Variants in RIC1 observed in about 807,000 individuals in gnomAD.
RIC1 encodes the protein RIC1 partner of RAB6A GEF complex.
Under a neutral mutation model 169.0 loss-of-function variants are expected in RIC1, and 88 were observed. The observed-to-expected ratio is 0.52, with a 90% CI of 0.44 to 0.62. The LOEUF is 0.62. Ranked by LOEUF, RIC1 falls within the 20% of genes least tolerant of loss-of-function variation. The pLI, the probability that RIC1 is intolerant of heterozygous loss-of-function variation, is 0.00. For missense variants in RIC1, 1,877 were observed against 1,725.5 expected (o/e 1.09, Z -1.56); for synonymous variants, 790 against 601.5 (o/e 1.31, Z -4.59).
chr9:5,708,873 A>T (rs944625738), intron 3 of RIC1, among the ~76,000 whole-genome samples: 1 of 151,758 alleles, frequency 6.6e-6, no homozygotes, highest in African/African-American at 2.4e-5. Context: ...AGGCGTTGGT[A>T]TTTATGATGT....
chr9:5,647,626 T>A (rs1343445397), intron 1 of RIC1, among the ~76,000 whole-genome samples: 4 of 152,244 alleles, frequency 2.6e-5, no homozygotes, highest in African/African-American at 7.2e-5. Flanking sequence ...ATTCATTCAT[T>A]CTAACAGGTT....
At chr9:5,743,049 T>TC in intron 9 of RIC1, 36 bp downstream of exon 9, 1 of 1,583,188 alleles carries the variant, frequency 6.3e-7, no homozygotes, top group African/African-American at 1.4e-5. Context: ...ATAAAATAAC[T>TC]CCATTATTTC....
chr9:5,666,153 C>G (rs1819743343), intron 2 of RIC1, among the ~76,000 whole-genome samples: 1 of 152,128 alleles, frequency 6.6e-6, no homozygotes, highest in African/African-American at 2.4e-5. Flanking sequence ...ACCCACTACC[C>G]CATGAGGAGG....
chr9:5,708,502 A>G (rs572736091), intron 3 of RIC1, among the ~76,000 whole-genome samples: 1 of 152,148 alleles, frequency 6.6e-6, no homozygotes, highest in East Asian at 1.9e-4. Flanking sequence ...TTATCTGGAA[A>G]TTCATTAATT....
chr9:5,756,350 A>G lies in RIC1; in HGVS notation c.1831A>G (p.Ser611Gly), dbSNP rs184808886. The change falls in exon 16 of 26, where the codon AGT becomes GGT. Residue 611 changes from serine to glycine, a missense_variant. Physicochemically the swap from Ser to Gly is moderately conservative, Grantham distance 56. Coordinates refer to ENST00000414202, the MANE Select transcript of RIC1 (RefSeq NM_020829.4). ...FRADCSICLY[S>G]IERKSDGPNT... ...AGCAGACTGTTCAATATGCCTTTAC[A>G]GTATTGAAAGAAAATCTGATGGGTA... is the stretch of plus-strand genomic sequence containing the variant. 3 of 1,518,840 alleles carry G rather than the reference A, an allele frequency of 2.0e-6. No individual in the cohort carries two copies. Among genetic ancestry groups the G allele is most frequent in the African/African-American group, 1.4e-5 (1 of 72,384 alleles). 94.1% of individuals were successfully genotyped at this position (1,518,840 alleles called of 1,614,324 possible). A position where few individuals can be genotyped will look rare whatever the true frequency, so the allele number is the denominator to read the frequency against.
At chr9:5,755,647 G>T (rs1205843174) in intron 15 of RIC1, among the ~76,000 whole-genome samples, 2 of 152,216 alleles carry the variant, frequency 1.3e-5, no homozygotes, top group African/African-American at 2.4e-5. Context: ...TCTAGGCCAG[G>T]TGCAGTGGCT....
At chr9:5,749,687 A>G (rs1365889134) in intron 12 of RIC1, among the ~76,000 whole-genome samples, 1 of 145,366 alleles carries the variant, frequency 6.9e-6, no homozygotes, top group Non-Finnish European at 1.5e-5. Flanking sequence ...TATGTTACTT[A>G]TGATTTTTCT....
At chr9:5,669,490 T>C (rs1417170013) in intron 2 of RIC1, among the ~76,000 whole-genome samples, 3 of 152,214 alleles carry the variant, frequency 2.0e-5, no homozygotes, top group Non-Finnish European at 4.4e-5. Context: ...TGAGTAGTAT[T>C]CGATGGTGTA....
intron 6 of RIC1, among the ~76,000 whole-genome samples, chr9:5,721,843 C>T (rs1563926245): frequency 6.6e-6 from 1 of 151,350 alleles, no homozygotes; most frequent in Admixed American, 6.6e-5. Flanking sequence ...ATCCTCCCAG[C>T]TTTTTCAAAC....
In RIC1 at chr9:5,770,204, A is replaced by T; in HGVS notation, c.3542A>T (p.His1181Leu). 6.2e-7 allele frequency: 1 copy of T among 1,614,062 alleles called. No homozygotes were observed. Among genetic ancestry groups the T allele is most frequent in the Non-Finnish European group, 8.5e-7 (1 of 1,179,936 alleles). The change falls in exon 23 of 26, where the codon CAT becomes CTT. Residue 1181 changes from histidine to leucine, a missense_variant. Around this residue, in one of 3 missense-constraint regions of RIC1, gnomAD observed 681 missense variants for 582.0 expected, o/e 1.17. Transcript: ENST00000414202. ...QSWLSNIGPT[H>L]HEIDTASSHG... is the part of the protein sequence containing the mutation. ...TGGCTCAGCAACATTGGCCCCACCC[A>T]TCATGAGATAGACACAGCTTCATCC...
chr9:5,713,923 C>T lies in RIC1; in HGVS notation c.360C>T (p.Pro120=), dbSNP rs577419172. Residue 120 remains proline (P), a synonymous_variant, in exon 4 of 26, where the codon CCC becomes CCT. Coordinates refer to ENST00000414202, the MANE Select transcript of RIC1 (RefSeq NM_020829.4). ...PKGSPQMKGT[P]HFKEEQCAPA... is the part of the protein sequence containing the mutation. ...GAAGTCCACAAATGAAGGGGACACC[C>T]CATTTTAAGGAAGAACAGTGTGCTC... The T allele has an allele frequency of 1.9e-6, 3 of 1,612,806 alleles. No homozygotes were observed. The highest frequency in any genetic ancestry group is 1.7e-6 in the Non-Finnish European group (2 of 1,179,150).
At chr9:5,731,875 T>C (rs1334013963) in intron 6 of RIC1, among the ~76,000 whole-genome samples, 1 of 152,152 alleles carries the variant, frequency 6.6e-6, no homozygotes, top group African/African-American at 2.4e-5. Context: ...CTGTCAGGCT[T>C]CCAGATACCA....
intron 1 of RIC1, among the ~76,000 whole-genome samples, chr9:5,643,864 G>A (rs1049160611): frequency 4.6e-5 from 7 of 152,064 alleles, no homozygotes; most frequent in East Asian, 1.9e-4. Context: ...CAGTTTCTTC[G>A]TTCAGATTTC....
At chr9:5,744,619 T>C (rs1286009284) in intron 10 of RIC1, among the ~76,000 whole-genome samples, 1 of 152,188 alleles carries the variant, frequency 6.6e-6, no homozygotes, top group Non-Finnish European at 1.5e-5. Context: ...AATGAATTTG[T>C]AATAATTTTG....
At chr9:5,679,222 G>A (rs1480145794) in intron 2 of RIC1, among the ~76,000 whole-genome samples, 1 of 150,886 alleles carries the variant, frequency 6.6e-6, no homozygotes, top group Admixed American at 6.6e-5. Flanking sequence ...TTTGGTACCA[G>A]TACTGTTTTG....
intron 1 of RIC1, among the ~76,000 whole-genome samples, chr9:5,633,697 T>G (rs1000913654): frequency 2.0e-5 from 3 of 152,202 alleles, no homozygotes; most frequent in Non-Finnish European, 4.4e-5. Context: ...AGATCCACCA[T>G]CTCACACAGC....
rs544304934 is a variant in RIC1 at position 5,753,225 on chromosome 9, A to G, written c.1478A>G (p.Asn493Ser). The G allele has an allele frequency of 1.5e-5, 25 of 1,613,592 alleles. No homozygotes were observed. The African/African-American group carries it at 1.9e-4, about 12-fold the overall frequency. ...ATTTCCAGCACCTATCTAGAGAGCA[A>G]TTGGCCTATACGGGTGAGTTGTTAT... ...VQISSTYLES[N>S]WPIRFSAIDK... The change falls in exon 13 of 26, where the codon AAT (asparagine) becomes AGT (serine). Residue 493 changes from asparagine (N) to serine (S), a missense_variant. This residue lies in a region of RIC1 where 1,104 missense variants were observed against 992.0 expected (regional missense o/e 1.11). Transcript: ENST00000414202.
intron 23 of RIC1, among the ~76,000 whole-genome samples, chr9:5,771,323 T>C (rs1446540178): frequency 6.6e-6 from 1 of 152,216 alleles, no homozygotes; most frequent in African/African-American, 2.4e-5. Context: ...TGTTTGTCTT[T>C]TTCTGACCAG....
intron 3 of RIC1, among the ~76,000 whole-genome samples, chr9:5,692,924 T>C (rs1193155585): frequency 6.6e-6 from 1 of 152,124 alleles, no homozygotes; most frequent in Non-Finnish European, 1.5e-5. Context: ...TACAAACTGC[T>C]GCACAGAGAG....
Sources: gnomAD v4.1 joint callset for allele counts (sites outside exome capture counted in the v4.1 genomes callset) on GRCh38, gnomAD v4.1.1 for gene constraint, gnomAD v4.1.1 regional missense constraint, MANE v1.5 for transcripts, NCBI Gene and HGNC (gene_info 2026-07-23, HGNC 2026-07-21) for gene names.